MICB: variants seen among roughly 807,000 people sequenced by gnomAD.
MICB encodes the protein MHC class I polypeptide-related sequence B, also known as MHC class I antigen-related protein B.
A neutral mutation model predicts 34.3 loss-of-function variants in MICB; 27 were observed. The observed-to-expected ratio is 0.79, with a 90% CI of 0.58 to 1.08. The LOEUF (loss-of-function observed/expected upper bound fraction) is 1.08, where lower values mean the gene tolerates loss of function less well. Ranked by LOEUF, MICB falls within the 50% of genes least tolerant of loss-of-function variation. MICB has a pLI of 0.00. For synonymous variants in MICB, 153 were observed against 187.4 expected (o/e 0.82, Z 1.50); for missense variants, 426 against 483.1 (o/e 0.88, Z 1.11).
intron 1 of MICB, 129 bp from the exon 2 acceptor site, chr6:31,505,488 G>A (rs1265938262): frequency 6.8e-6 from 9 of 1,326,594 alleles, no homozygotes; most frequent in East Asian, 2.4e-5. Flanking sequence ...TGAAATCTTC[G>A]TTCTTGTCCT....
chr6:31,507,542 G>C lies in MICB; in HGVS notation c.1024+11G>C. The C allele has an allele frequency of 1.2e-6, 2 of 1,614,136 alleles. No individual in the cohort carries two copies. The highest frequency in any genetic ancestry group is 1.7e-6 in the Non-Finnish European group (2 of 1,180,024). On this transcript the variant is annotated intron_variant, in intron 5 of 5. Transcript: ENST00000252229. This position sits in a 1 kb window ranked among gnomAD's most constrained non-coding sequence, Gnocchi z 6.0. ...CGGCAGAGGGTCCAGGTGAGAAAAG[G>C]GGACAGTTTCTGGAGATGGGAAAGC...
rs200882372 is a variant in MICB at position 31,507,345 on chromosome 6, C to G, written c.892+45C>G. On this transcript the variant is annotated intron_variant, in intron 4 of 5. Transcript: ENST00000252229. This position sits in a 1 kb window ranked among gnomAD's most constrained non-coding sequence, Gnocchi z 6.0. ...GGAGAGGGTCAGGCCAGGGTAGGAA[C>G]AGCAAGGACGGCTGTGGCTCTCTGC... 9.7e-5 allele frequency: 156 copies of G among 1,613,142 alleles called. No individual in the cohort carries two copies. Among genetic ancestry groups the G allele is most frequent in the Non-Finnish European group, 1.3e-4 (152 of 1,179,524 alleles).
chr6:31,498,087 G>A, upstream of MICB: 1 of 843,638 alleles, frequency 1.2e-6, no homozygotes, highest in Non-Finnish European at 1.8e-6. Context: ...CACTGGATAA[G>A]CGGTCGCTGA....
rs1443530704 is a variant in MICB at position 31,507,719 on chromosome 6, G to T, written c.1024+188G>T. Among the ~76,000 whole-genome samples, 1 of 152,282 alleles carries T rather than the reference G, an allele frequency of 6.6e-6. No individual in the cohort carries two copies. Among genetic ancestry groups the T allele is most frequent in the East Asian group, 1.9e-4 (1 of 5,160 alleles). On this transcript the variant is annotated intron_variant, in intron 5 of 5. Transcript: ENST00000252229. The surrounding 1 kb of genome is among the most constrained non-coding windows in gnomAD (Gnocchi z 6.0). ...ACCCATAAGTGCTTCCCAAGCCAGG[G>T]CTGGGGCAAGGCCTTCGAATATCCA...
chr6:31,505,535 C>G, intron 1 of MICB, 82 bp from the exon 2 acceptor site: 1 of 1,550,906 alleles, frequency 6.4e-7, no homozygotes, highest in Non-Finnish European at 8.8e-7. Context: ...TCAGGGAGGT[C>G]GGGACAGCAG....
chr6:31,505,619 C>A lies in MICB; in HGVS notation c.73C>A (p.Pro25Thr), dbSNP rs768916651. The A allele has an allele frequency of 1.2e-6, 2 of 1,612,058 alleles. No individual in the cohort carries two copies. Among genetic ancestry groups the A allele is most frequent in the Non-Finnish European group, 1.7e-6 (2 of 1,179,690 alleles). The change falls in exon 2 of 6, where the codon CCC becomes ACC. Residue 25 changes from proline (P) to threonine (T), a missense_variant and splice_region_variant. Pro to Thr is a conservative substitution (Grantham distance 38, BLOSUM62 -1). Transcript: ENST00000252229. ...ACCTGTGATTTCCTCTTCCCCAGAGCCCCACAGTCTTCGTTACAACCTCAT... is the reference window on the plus strand; with the variant it reads ...ACCTGTGATTTCCTCTTCCCCAGAGACCCACAGTCTTCGTTACAACCTCAT... ...PFAPPAAAAEPHSLRYNLMVL... is the reference protein window; with the variant it reads ...PFAPPAAAAETHSLRYNLMVL...
rs1241320694 is a variant in MICB at position 31,510,061 on chromosome 6, G to A, written c.*152G>A. On this transcript the variant is annotated 3_prime_UTR_variant, in exon 6 of 6. Transcript: ENST00000252229. ...TGTTAGTAGGTATGAGGTGTTTGCTGCTCTGCCACGTAGAGAGCCAGCAAA... is the reference window on the plus strand; with the variant it reads ...TGTTAGTAGGTATGAGGTGTTTGCTACTCTGCCACGTAGAGAGCCAGCAAA... 5.0e-6 allele frequency: 4 copies of A among 798,788 alleles called. No homozygotes were observed. The highest frequency in any genetic ancestry group is 7.3e-6 in the Non-Finnish European group (4 of 550,978). The allele number at this position is 798,788 out of a possible 1,614,324, so 49.5% of individuals were successfully genotyped here. A position where few individuals can be genotyped will look rare whatever the true frequency, so the allele number is the denominator to read the frequency against.
At chr6:31,495,956 G>A (rs1427806109), upstream of MICB, among the ~76,000 whole-genome samples, 1 of 152,152 alleles carries the variant, frequency 6.6e-6, no homozygotes, top group East Asian at 1.9e-4. Context: ...CATCAGGAAG[G>A]TTCAAACCAT....
chr6:31,509,125 G>A (rs766775719), intron 5 of MICB, among the ~76,000 whole-genome samples: 5 of 152,204 alleles, frequency 3.3e-5, no homozygotes, highest in Admixed American at 6.5e-5. Context: ...GGCAGGAGCA[G>A]TAGTGACTCA....
rs1765599625 is a variant in MICB at position 31,510,276 on chromosome 6, A to C, written c.*367A>C. 5.9e-6 allele frequency: 1 copy of C among 170,352 alleles called. No homozygotes were observed. The highest frequency in any genetic ancestry group is 2.4e-5 in the African/African-American group (1 of 42,136). 10.6% of individuals were successfully genotyped at this position (170,352 alleles called of 1,614,324 possible). On this transcript the variant is annotated 3_prime_UTR_variant, in exon 6 of 6. Transcript: ENST00000252229. ...CTAGAGCCTATTGTTTGAGGAATGC[A>C]GTCTTACAAGCCTACTCTGGACCCA...
rs1316149690 is a variant in MICB, at chr6:31,509,291, G to T, written c.1025-491G>T. On this transcript the variant is annotated intron_variant, in intron 5 of 5. Coordinates refer to ENST00000252229, the MANE Select transcript of MICB (RefSeq NM_005931.5). ...CTGGGCCCCCCAGGCTTCCTGATGG[G>T]GTCCCCAGTTAGGAGCTGCCTGCTC... is the stretch of plus-strand genomic sequence containing the variant. Among the ~76,000 whole-genome samples the T allele has an allele frequency of 2.6e-5, 4 of 152,336 alleles. No individual in the cohort carries two copies. The East Asian group carries it at 7.7e-4, about 29-fold the overall frequency.
chr6:31,508,094 T>C (rs2150293825), intron 5 of MICB, among the ~76,000 whole-genome samples: 1 of 152,262 alleles, frequency 6.6e-6, no homozygotes, highest in East Asian at 1.9e-4. Flanking sequence ...CAGATGTCCC[T>C]GGGCCATTTG....
intron 3 of MICB, among the ~76,000 whole-genome samples, chr6:31,506,643 T>C (rs2150291335): frequency 6.6e-6 from 1 of 152,282 alleles, no homozygotes; most frequent in Admixed American, 6.5e-5. Context: ...GGGAAAGCAG[T>C]GGGCCCTCTG....
intron 1 of MICB, among the ~76,000 whole-genome samples, chr6:31,501,847 A>T (rs1765034757): frequency 6.6e-6 from 1 of 152,180 alleles, no homozygotes; most frequent in Non-Finnish European, 1.5e-5. Flanking sequence ...CTGTAGTATA[A>T]TTTGAAGTCA....
chr6:31,497,500 A>G (rs1764730451), upstream of MICB, among the ~76,000 whole-genome samples: 1 of 152,026 alleles, frequency 6.6e-6, no homozygotes, highest in East Asian at 1.9e-4. Context: ...CTTAGAGGAT[A>G]TAAGGGGGTG....
Position 31,498,264 on chromosome 6 carries a change from G to T in MICB, c.70+1G>T. 1 of 1,566,518 alleles carries T rather than the reference G, an allele frequency of 6.4e-7. No individual in the cohort carries two copies. Among genetic ancestry groups the T allele is most frequent in the Non-Finnish European group, 8.7e-7 (1 of 1,153,816 alleles). On this transcript the variant is annotated splice_donor_variant, in intron 1 of 5. Transcript: ENST00000252229. LOFTEE classifies it high-confidence loss of function. ...TTTGCACCCCCGGCAGCCGCCGCTGGTGAGTGGGGTTCCTGGCGGTCCCCG... is the reference window on the plus strand; with the variant it reads ...TTTGCACCCCCGGCAGCCGCCGCTGTTGAGTGGGGTTCCTGGCGGTCCCCG...
upstream of MICB, among the ~76,000 whole-genome samples, chr6:31,497,232 A>C (rs533090232): frequency 1.2e-4 from 19 of 152,300 alleles, no homozygotes; most frequent in African/African-American, 4.6e-4. Flanking sequence ...GGAAATCAGA[A>C]GGGACCAAGG....
intron 1 of MICB, 106 bp downstream of exon 1, chr6:31,498,369 T>G (rs1272039649): frequency 1.6e-5 from 14 of 873,768 alleles, no homozygotes; most frequent in Non-Finnish European, 2.1e-5. Context: ...GGGGCTCAGG[T>G]GTGCTGTCTG....
chr6:31,503,534 T>A (rs948058205), intron 1 of MICB, among the ~76,000 whole-genome samples: 1 of 152,224 alleles, frequency 6.6e-6, no homozygotes, highest in African/African-American at 2.4e-5. Flanking sequence ...AGGTACCTCA[T>A]TTAAGTAGAA....
Sources: allele counts gnomAD v4.1 joint callset (sites outside exome capture counted in the v4.1 genomes callset), GRCh38; gene constraint gnomAD v4.1.1; non-coding constraint Gnocchi (gnomAD v3.1); transcripts MANE v1.5; gene names NCBI Gene and HGNC (gene_info 2026-07-23, HGNC 2026-07-21).